The following NLRP5 variants were observed in gnomAD, a reference collection of about 807,000 sequenced individuals.
NLRP5 encodes NLR family pyrin domain containing 5, also known as NACHT, LRR and PYD domains-containing protein 5.
In NLRP5, 93 loss-of-function variants were observed where a neutral mutation model predicts 113.1. The observed-to-expected ratio is 0.82, with a 90% confidence interval of 0.70 to 0.98. The LOEUF (loss-of-function observed/expected upper bound fraction) is 0.98, where lower values mean the gene tolerates loss of function less well. NLRP5 is among the 50% of genes least tolerant of loss of function. NLRP5 has a pLI of 0.00. For missense variants in NLRP5, 1,808 were observed against 1,514.3 expected (o/e 1.19, Z -3.22); for synonymous variants, 751 against 600.7 (o/e 1.25, Z -3.66).
At chr19:55,991,992 G>A in the NLRP5 span, among the ~76,000 whole-genome samples, 12,963 of 152,078 alleles carry the variant, frequency 0.085, 680 homozygotes, top group East Asian at 0.2. Flanking sequence ...GTACCCAGTC[G>A]TTATTTCTTT....
At chr19:56,026,527 CA>C (rs375845864) in intron 6 of NLRP5, among the ~76,000 whole-genome samples, 602 of 40,306 alleles carry the variant, frequency 0.015, 1 homozygote, top group Middle Eastern at 0.059. Context: ...GACTCCATCT[CA>C]AAAAAAAAAA....
chr19:56,009,712 C>T (rs1449376819), intron 3 of NLRP5, among the ~76,000 whole-genome samples: 1 of 152,170 alleles, frequency 6.6e-6, no homozygotes, highest in Non-Finnish European at 1.5e-5. Flanking sequence ...CATGAATTCT[C>T]CTCTGCTACC....
chr19:56,049,829 G>T (rs1271508186), intron 11 of NLRP5, among the ~76,000 whole-genome samples: 1 of 151,998 alleles, frequency 6.6e-6, no homozygotes, highest in East Asian at 1.9e-4. Flanking sequence ...CTAAGCTCCT[G>T]TATTTTTTCA....
chr19:56,020,874 AT>A (rs36047346), intron 6 of NLRP5, among the ~76,000 whole-genome samples: 12,532 of 137,274 alleles, frequency 0.091, 565 homozygotes, highest in African/African-American at 0.17. Context: ...CCTTCGTGGC[AT>A]TTTTTTTTTT....
chr19:56,006,184 C>A (rs940234371), intron 2 of NLRP5, among the ~76,000 whole-genome samples: 1 of 152,020 alleles, frequency 6.6e-6, no homozygotes, highest in African/African-American at 2.4e-5. Flanking sequence ...GACAGAAAAC[C>A]AAACACCGCA....
chr19:56,013,899 C>T (rs564711783), intron 3 of NLRP5, among the ~76,000 whole-genome samples: 1 of 151,984 alleles, frequency 6.6e-6, no homozygotes, highest in South Asian at 2.1e-4. Context: ...TTTGAATTTC[C>T]CTAATTATGT....
chr19:56,044,723 A>G (rs1568499568), intron 11 of NLRP5, among the ~76,000 whole-genome samples: 1 of 151,926 alleles, frequency 6.6e-6, no homozygotes. Context: ...TGAATTTTAG[A>G]ATTGTTTAAT....
At chr19:55,990,757 G>A in the NLRP5 span, among the ~76,000 whole-genome samples, 6 of 152,114 alleles carry the variant, frequency 3.9e-5, no homozygotes, top group Non-Finnish European at 8.8e-5. Context: ...CCCGGGAGGC[G>A]GAGCTGGCAG....
intron 4 of NLRP5, among the ~76,000 whole-genome samples, chr19:56,017,441 G>T (rs753765668): frequency 9.2e-5 from 14 of 151,948 alleles, no homozygotes; most frequent in Non-Finnish European, 1.8e-4. Context: ...TTTATGCACG[G>T]CTCTACCTAC....
intron 2 of NLRP5, among the ~76,000 whole-genome samples, chr19:56,004,631 C>A (rs1026632594): frequency 6.6e-6 from 1 of 152,066 alleles, no homozygotes; most frequent in African/African-American, 2.4e-5. Flanking sequence ...CTTTCTTGGG[C>A]TATTGGTGTC....
intron 2 of NLRP5, among the ~76,000 whole-genome samples, chr19:56,006,337 A>G (rs910163950): frequency 2.6e-5 from 4 of 152,132 alleles, no homozygotes; most frequent in Non-Finnish European, 5.9e-5. Flanking sequence ...TAACGAGTTA[A>G]TGGGTGCAGC....
intron 14 of NLRP5, among the ~76,000 whole-genome samples, chr19:56,061,172 A>G (rs914031202): frequency 1.3e-5 from 2 of 152,206 alleles, no homozygotes; most frequent in East Asian, 1.9e-4. Context: ...CAGTTCTTTC[A>G]TAAGTGGAGG....
chr19:56,029,960 CAGG>C (rs1865392503), intron 7 of NLRP5, among the ~76,000 whole-genome samples: 1 of 151,398 alleles, frequency 6.6e-6, no homozygotes, highest in Admixed American at 6.6e-5. Context: ...GACGTTGAGG[CAGG>C]AGAATTGCCT....
chr19:56,013,596 G>GTTTTTT (rs71183002), intron 3 of NLRP5, among the ~76,000 whole-genome samples: 1,419 of 57,824 alleles, frequency 0.025, 125 homozygotes, highest in Middle Eastern at 0.03. Context: ...GGACATTTGG[G>GTTTTTT]TTTTTTTTTT....
Position 56,003,864 on chromosome 19 carries a change from G to A in NLRP5, c.211G>A (p.Glu71Lys). The change falls in exon 2 of 15, where the codon GAG (glutamate) becomes AAG (lysine). Residue 71 changes from glutamate to lysine, a missense_variant. By Grantham distance (56) the Glu-to-Lys change is moderately conservative (BLOSUM62 1). Transcript: ENST00000390649. Reference sequence around the variant, plus strand: ...CTACGGGCTGCAATGGTGTCTCTATGAGCTAGACAAGGAAGAATTTCAGAC... The same window carrying A: ...CTACGGGCTGCAATGGTGTCTCTATAAGCTAGACAAGGAAGAATTTCAGAC... The A allele has an allele frequency of 6.2e-7, 1 of 1,613,956 alleles. No homozygotes were observed. Among genetic ancestry groups the A allele is most frequent in the Non-Finnish European group, 8.5e-7 (1 of 1,179,894 alleles).
rs533099317 is a variant in NLRP5 at position 56,026,998 on chromosome 19, C to T, written c.765C>T (p.Asn255=). Residue 255 remains asparagine (N), a synonymous_variant, in exon 7 of 15, where the codon AAC becomes AAT. Transcript: ENST00000390649. ...AGGATGTACGTCGTAGTTTTGAAAA[C>T]ACTGCTGCTGACTGGCCGGAAATGC... The T allele has an allele frequency of 5.2e-6, 8 of 1,551,674 alleles. No homozygotes were observed. Among genetic ancestry groups the T allele is most frequent in the Non-Finnish European group, 6.1e-6 (7 of 1,147,032 alleles).
At chr19:56,019,240 C>G in intron 4 of NLRP5, 102 bp from the exon 5 acceptor site, 1 of 1,329,764 alleles carries the variant, frequency 7.5e-7, no homozygotes, top group Non-Finnish European at 1.1e-6. Context: ...TTCAACTGGC[C>G]AGAAAATAAA....
At chr19:55,996,521 G>A (rs565071201), upstream of NLRP5, among the ~76,000 whole-genome samples, 19 of 152,192 alleles carry the variant, frequency 1.2e-4, no homozygotes, top group East Asian at 2.7e-3. Context: ...GGTGTGTGAC[G>A]TTCCCCTTCC....
the NLRP5 span, chr19:55,988,519 A>G: frequency 6.7e-6 from 1 of 149,998 alleles, no homozygotes; most frequent in Non-Finnish European, 1.5e-5. Context: ...GACAGGATAT[A>G]GACAAAGTCT....
Sources: gnomAD v4.1 joint callset for allele counts (sites outside exome capture counted in the v4.1 genomes callset) on GRCh38, gnomAD v4.1.1 for gene constraint, MANE v1.5 for transcripts, NCBI Gene and HGNC (gene_info 2026-07-23, HGNC 2026-07-21) for gene names.